Variants in TENM2 observed in about 807,000 individuals in gnomAD.
TENM2 encodes the protein teneurin-2.
TENM2 carries 52 observed loss-of-function variants against 245.2 expected under a neutral mutation model. That is an observed-to-expected ratio of 0.21 (90% CI 0.17 to 0.27). The LOEUF is 0.27. Ranked by LOEUF, TENM2 falls within the 10% of genes least tolerant of loss-of-function variation. The probability of loss-of-function intolerance (pLI) is 1.00; values close to 1 mark genes in which losing one functional copy is unlikely to be tolerated. For synonymous variants in TENM2, 1,363 were observed against 1,438.9 expected (o/e 0.95, Z 1.19); for missense variants, 3,046 against 3,666.8 (o/e 0.83, Z 4.37).
At chr5:168,214,815 G>A (rs1763049909) in intron 20 of TENM2, 4 of 634,152 alleles carry the variant, frequency 6.3e-6, no homozygotes, top group Admixed American at 4.2e-5. Context: ...AGCATGGTGG[G>A]AAATGAATTT....
intron 4 of TENM2, chr5:167,967,176 A>T (rs1298966425): frequency 6.6e-6 from 1 of 152,014 alleles, no homozygotes; most frequent in Non-Finnish European, 1.5e-5. Flanking sequence ...TTCTTGGCAG[A>T]TGGAAACAAG....
At chr5:167,508,359 A>G (rs1769697334) in intron 2 of TENM2, among the ~76,000 whole-genome samples, 1 of 152,168 alleles carries the variant, frequency 6.6e-6, no homozygotes, top group Non-Finnish European at 1.5e-5. Context: ...GGTGATTTTA[A>G]TTATCTATGT....
intron 1 of TENM2, among the ~76,000 whole-genome samples, chr5:167,360,751 C>G (rs1486739190): frequency 6.6e-6 from 1 of 152,148 alleles, no homozygotes; most frequent in Non-Finnish European, 1.5e-5. Context: ...ACTTTTATCT[C>G]TATAGGCTTA....
intron 1 of TENM2, among the ~76,000 whole-genome samples, chr5:167,322,093 A>G (rs181082288): frequency 0.01 from 1,537 of 151,692 alleles, 9 homozygotes; most frequent in South Asian, 0.029. Flanking sequence ...CAGCCTCCCA[A>G]AGTGCTGGCA....
the TENM2 span, among the ~76,000 whole-genome samples, chr5:167,232,512 A>G: frequency 1.3e-5 from 2 of 151,934 alleles, no homozygotes; most frequent in Admixed American, 6.6e-5. Flanking sequence ...AGCTGGGATT[A>G]CAGGCCCCTG....
At chr5:167,290,496 A>G (rs1561839259) in intron 1 of TENM2, among the ~76,000 whole-genome samples, 1 of 152,152 alleles carries the variant, frequency 6.6e-6, no homozygotes, top group East Asian at 1.9e-4. Context: ...CTCCGACCCT[A>G]ATAATACTTT....
intron 2 of TENM2, among the ~76,000 whole-genome samples, chr5:167,512,163 A>G (rs1280507948): frequency 6.6e-6 from 1 of 152,206 alleles, no homozygotes; most frequent in African/African-American, 2.4e-5. Context: ...TCATTACTGG[A>G]TTGCCTAGGT....
At chr5:167,434,693 T>C (rs899754335) in intron 2 of TENM2, among the ~76,000 whole-genome samples, 4 of 152,108 alleles carry the variant, frequency 2.6e-5, no homozygotes, top group Non-Finnish European at 4.4e-5. Flanking sequence ...GGATTTAGTA[T>C]AATGAAAACT....
In TENM2 at chr5:167,748,949, A is replaced by G. The variant is rs1273584355; in HGVS notation, c.503-127037A>G. Among the ~76,000 whole-genome samples the G allele has an allele frequency of 6.6e-5, 10 of 151,974 alleles. No homozygotes were observed. The East Asian group carries it at 1.9e-3, about 29-fold the overall frequency. The stretch of plus-strand genomic sequence containing the variant: ...AATCATATTGGTGGAGTTTTGCTAT[A>G]TTGCCTAGGCTGGTCTCAAATCCTT... On this transcript the variant is annotated intron_variant, in intron 2 of 28. Coordinates refer to ENST00000518659, the Ensembl canonical transcript of TENM2.
Position 167,411,615 on chromosome 5 carries a change from T to G in TENM2, c.502+36142T>G, listed in dbSNP as rs1162858970. Reference sequence around the variant, plus strand: ...GTGTGTGTGTGTGTGTGTGTATGTATGTGAGAGAGAGAGAGATAATGAGGA... The same window carrying G: ...GTGTGTGTGTGTGTGTGTGTATGTAGGTGAGAGAGAGAGAGATAATGAGGA... On this transcript the variant is annotated intron_variant, in intron 2 of 28. Coordinates refer to ENST00000518659, the Ensembl canonical transcript of TENM2. 9.9e-5 allele frequency among the ~76,000 whole-genome samples: 15 copies of G among 151,424 alleles called. No individual in the cohort carries two copies. The East Asian group carries it at 1.8e-3, about 18-fold the overall frequency.
At chr5:167,370,716 T>A (rs1040489637) in intron 1 of TENM2, among the ~76,000 whole-genome samples, 1 of 152,238 alleles carries the variant, frequency 6.6e-6, no homozygotes, top group East Asian at 1.9e-4. Context: ...ATCAGTGATA[T>A]CAGGAGACTG....
chr5:167,160,994 T>G, the TENM2 span, among the ~76,000 whole-genome samples: 11 of 150,592 alleles, frequency 7.3e-5, no homozygotes, highest in Admixed American at 7.3e-4. Context: ...ATGAATTGGT[T>G]TTTCCAAACT....
At chr5:167,047,955 A>AAAACAAAC in the TENM2 span, among the ~76,000 whole-genome samples, 4 of 151,500 alleles carry the variant, frequency 2.6e-5, no homozygotes, top group East Asian at 2.0e-4. Context: ...CCCTATAGCA[A>AAAACAAAC]AAACAAACAA....
intron 27 of TENM2, among the ~76,000 whole-genome samples, chr5:168,248,921 T>C (rs2112553): frequency 0.51 from 76,578 of 151,432 alleles, 20,979 homozygotes; most frequent in South Asian, 0.62. Context: ...GAGTTCAAGA[T>C]CAGCCTGGCC....
At chr5:167,211,413 A>C in the TENM2 span, among the ~76,000 whole-genome samples, 1 of 152,248 alleles carries the variant, frequency 6.6e-6, no homozygotes, top group Non-Finnish European at 1.5e-5. Context: ...CTCAACTATC[A>C]TTGAGATATC....
chr5:168,093,345 T>C (rs1490530683), intron 8 of TENM2, among the ~76,000 whole-genome samples: 1 of 152,174 alleles, frequency 6.6e-6, no homozygotes, highest in Non-Finnish European at 1.5e-5. Context: ...AAAGAGCAAG[T>C]CAAAGGTAAT....
At chr5:166,992,569 T>G in the TENM2 span, among the ~76,000 whole-genome samples, 3 of 152,214 alleles carry the variant, frequency 2.0e-5, no homozygotes, top group South Asian at 6.2e-4. Context: ...CATTCCAGCT[T>G]TTGAATGAAG....
At chr5:167,330,598 A>G (rs1446408159) in intron 1 of TENM2, among the ~76,000 whole-genome samples, 2 of 152,100 alleles carry the variant, frequency 1.3e-5, no homozygotes, top group Non-Finnish European at 2.9e-5. Flanking sequence ...CAGTGCTTCC[A>G]TTCCACCAAG....
the TENM2 span, among the ~76,000 whole-genome samples, chr5:167,129,613 T>C: frequency 6.6e-6 from 1 of 152,196 alleles, no homozygotes; most frequent in African/African-American, 2.4e-5. Context: ...TTTGTTTCCT[T>C]ACCTGTCAAA....
Sources: gnomAD v4.1 joint callset for allele counts (sites outside exome capture counted in the v4.1 genomes callset) on GRCh38, gnomAD v4.1.1 for gene constraint, MANE v1.5 for transcripts, NCBI Gene and HGNC (gene_info 2026-07-23, HGNC 2026-07-21) for gene names.